Variants in PSMC6 observed in about 807,000 individuals in gnomAD.
PSMC6 encodes the protein 26S proteasome regulatory subunit 10B.
In PSMC6, 3 loss-of-function variants were observed where a neutral mutation model predicts 55.9. That is an observed-to-expected ratio of 0.05 (90% CI 0.02 to 0.14). The LOEUF (loss-of-function observed/expected upper bound fraction) is 0.14, where lower values mean the gene tolerates loss of function less well. Ranked by LOEUF, PSMC6 falls within the 10% of genes least tolerant of loss-of-function variation. The pLI is 1.00. For missense variants in PSMC6, 210 were observed against 478.7 expected, an observed-to-expected ratio of 0.44 and a Z score of 5.24; for synonymous variants, 137 against 155.9, an observed-to-expected ratio of 0.88 and a Z score of 0.90.
rs1241698659 is a variant in PSMC6, at chr14:52,718,349, A to G, written c.712A>G (p.Ile238Val). 1.9e-6 allele frequency: 3 copies of G among 1,611,700 alleles called. No individual in the cohort carries two copies. The highest frequency in any genetic ancestry group is 3.4e-5 in the Admixed American group (2 of 59,526). Residue 238 changes from isoleucine to valine, a missense_variant, in exon 9 of 14, where the codon ATT becomes GTT. Ile to Val is a conservative substitution (Grantham distance 29, BLOSUM62 3). Around this residue, in one of 4 missense-constraint regions of PSMC6, gnomAD observed 4 missense variants for 52.7 expected, o/e 0.08. Transcript: ENST00000445930. ...CATTTTTATGGATGAAATAGATGCT[A>G]TTGGTAAGAATAACACCCTTGTTGA... ...CIIFMDEIDA[I>V]GGRRFSEGTS...
intron 13 of PSMC6, among the ~76,000 whole-genome samples, chr14:52,725,034 G>T (rs927492148): frequency 1.3e-5 from 2 of 152,168 alleles, no homozygotes; most frequent in African/African-American, 4.8e-5. Flanking sequence ...TTCTGTTCAC[G>T]TCTAGAAATG....
intron 4 of PSMC6, chr14:52,709,510 T>A (rs2041742571): frequency 2.3e-6 from 1 of 436,390 alleles, no homozygotes; most frequent in African/African-American, 2.1e-5. Context: ...ATATAAGCGG[T>A]TGACATTTTC....
intron 12 of PSMC6, chr14:52,723,317 T>C (rs1177534161): frequency 6.6e-6 from 1 of 152,402 alleles, no homozygotes; most frequent in African/African-American, 2.4e-5. Context: ...CTTCTCTTCC[T>C]ATTCTGTATC....
chr14:52,709,736 C>A, intron 4 of PSMC6: 2 of 236,854 alleles, frequency 8.4e-6, no homozygotes, highest in Non-Finnish European at 8.3e-6. Context: ...TAGATTTTGG[C>A]TTTTTTTTTT....
chr14:52,722,314 A>G (rs985795871), intron 12 of PSMC6: 1 of 151,908 alleles, frequency 6.6e-6, no homozygotes, highest in Non-Finnish European at 1.5e-5. Context: ...TAGAAGGGGA[A>G]TGCCGATGAG....
At chr14:52,716,989 T>C (rs1307125205) in intron 7 of PSMC6, among the ~76,000 whole-genome samples, 1 of 152,120 alleles carries the variant, frequency 6.6e-6, no homozygotes, top group Non-Finnish European at 1.5e-5. Flanking sequence ...GTTGTGGTGG[T>C]GTATGGGGAT....
chr14:52,722,558 T>C (rs1035250884), intron 12 of PSMC6: 1 of 152,160 alleles, frequency 6.6e-6, no homozygotes, highest in Non-Finnish European at 1.5e-5. Flanking sequence ...CTTGTGGAAG[T>C]GTTTTTTTCT....
chr14:52,707,204 G>A lies in PSMC6; in HGVS notation c.-16G>A, dbSNP rs2041710946. 1 of 1,613,528 alleles carries A rather than the reference G, an allele frequency of 6.2e-7. No individual in the cohort carries two copies. On this transcript the variant is annotated 5_prime_UTR_variant, in exon 1 of 14. Coordinates refer to ENST00000445930, the MANE Select transcript of PSMC6 (RefSeq NM_002806.5). Reference sequence around the variant, plus strand: ...TGGCCATTCCCGGCATCCCCTATGAGAGACGGCTTCTCATCATGGCGGACC... The same window carrying A: ...TGGCCATTCCCGGCATCCCCTATGAAAGACGGCTTCTCATCATGGCGGACC...
chr14:52,719,590 A>G (rs961102238), intron 10 of PSMC6, among the ~76,000 whole-genome samples: 4 of 152,226 alleles, frequency 2.6e-5, no homozygotes, highest in Non-Finnish European at 4.4e-5. Context: ...TTCCACTTCA[A>G]ATAGAAACTA....
intron 7 of PSMC6, among the ~76,000 whole-genome samples, chr14:52,717,085 T>C (rs943988095): frequency 6.6e-6 from 1 of 152,188 alleles, no homozygotes; most frequent in Non-Finnish European, 1.5e-5. Flanking sequence ...ATGGTGACTA[T>C]AATTAATAAT....
chr14:52,723,629 G>C (rs1015926206), intron 12 of PSMC6: 1 of 224,016 alleles, frequency 4.5e-6, no homozygotes, highest in Admixed American at 5.6e-5. Context: ...TCAAATCCAA[G>C]ATTTGATTAC....
In PSMC6 at chr14:52,721,173, C is replaced by G. The variant is rs141153483; in HGVS notation, c.962C>G (p.Thr321Arg). ...DILKIHAGPI[T>R]KHGEIDYEAI... ...CTGAAAATCCATGCAGGTCCCATTA[C>G]AAAGCATGGTGAAATAGGTAAGGAA... The change falls in exon 12 of 14, where the codon ACA becomes AGA. Residue 321 changes from threonine (T) to arginine (R), a missense_variant. Coordinates refer to ENST00000445930, the MANE Select transcript of PSMC6 (RefSeq NM_002806.5). 1 of 1,588,370 alleles carries G rather than the reference C, an allele frequency of 6.3e-7. No homozygotes were observed. Among genetic ancestry groups the G allele is most frequent in the Non-Finnish European group, 8.5e-7 (1 of 1,169,622 alleles).
chr14:52,713,062 C>G (rs901649522), intron 6 of PSMC6, among the ~76,000 whole-genome samples: 2 of 152,120 alleles, frequency 1.3e-5, no homozygotes, highest in African/African-American at 4.8e-5. Flanking sequence ...GAAACCCCAT[C>G]TCTTCTAAAA....
In PSMC6 at chr14:52,707,257, GCA is replaced by G. The variant is rs748428557; in HGVS notation, c.39_40del (p.Lys14GlufsTer4). 6.2e-7 allele frequency: 1 copy of G among 1,613,218 alleles called. No homozygotes were observed. Among genetic ancestry groups the G allele is most frequent in the Non-Finnish European group, 8.5e-7 (1 of 1,179,548 alleles). On this transcript the variant is annotated frameshift_variant, in exon 1 of 14. Transcript: ENST00000445930. LOFTEE classifies it high-confidence loss of function. ...AGAGATAAGGCGCTTCAGGACTACCGCAAGAAGTTGCTTGAACACAAGGAGAT... is the reference window on the plus strand; with the variant it reads ...AGAGATAAGGCGCTTCAGGACTACCGAGAAGTTGCTTGAACACAAGGAGAT...
chr14:52,726,478 AT>A (rs1217940419), intron 13 of PSMC6, among the ~76,000 whole-genome samples: 7 of 151,840 alleles, frequency 4.6e-5, no homozygotes, highest in South Asian at 4.2e-4. Flanking sequence ...CTTACTCAAG[AT>A]TTTTTTTCCC....
intron 13 of PSMC6, 96 bp downstream of exon 13, chr14:52,724,132 A>T: frequency 8.4e-7 from 1 of 1,189,916 alleles, no homozygotes; most frequent in South Asian, 1.3e-5. Context: ...TAGACTTTGC[A>T]AGGATTTGGG....
chr14:52,711,622 C>A, intron 6 of PSMC6, 98 bp downstream of exon 6: 1 of 689,414 alleles, frequency 1.5e-6, no homozygotes, highest in Non-Finnish European at 2.3e-6. Context: ...TACTTTTTGT[C>A]TAAATGGTAG....
chr14:52,727,537 C>A lies in PSMC6; in HGVS notation c.1090C>A (p.Gln364Lys). Residue 364 changes from glutamine (Q) to lysine (K), a missense_variant, in exon 14 of 14, where the codon CAG becomes AAG. Gln to Lys is a moderately conservative substitution (Grantham distance 53, BLOSUM62 1). Coordinates refer to ENST00000445930, the MANE Select transcript of PSMC6 (RefSeq NM_002806.5). ...AIRADHDFVV[Q>K]EDFMKAVRKV... ...TCGTGCTGATCATGATTTTGTAGTA[C>A]AGGAAGACTTCATGAAAGCAGTCAG... 6.2e-7 allele frequency: 1 copy of A among 1,611,854 alleles called. No homozygotes were observed. The highest frequency in any genetic ancestry group is 8.5e-7 in the Non-Finnish European group (1 of 1,179,682).
At chr14:52,719,497 A>T (rs2041865876) in intron 10 of PSMC6, among the ~76,000 whole-genome samples, 1 of 152,212 alleles carries the variant, frequency 6.6e-6, no homozygotes, top group Non-Finnish European at 1.5e-5. Flanking sequence ...ACAGAATGAA[A>T]GAATGCACAT....
Sources: allele counts gnomAD v4.1 joint callset (sites outside exome capture counted in the v4.1 genomes callset), GRCh38; gene constraint gnomAD v4.1.1; regional missense constraint gnomAD v4.1.1; transcripts MANE v1.5; gene names NCBI Gene and HGNC (gene_info 2026-07-23, HGNC 2026-07-21).